The following LRRC4C variants were observed in gnomAD, a reference collection of about 807,000 sequenced individuals.
LRRC4C encodes leucine-rich repeat-containing protein 4C.
LRRC4C carries 5 observed loss-of-function variants against 33.6 expected under a neutral mutation model. That is an observed-to-expected ratio of 0.15 (90% CI 0.08 to 0.31). The LOEUF is 0.31. Ranked by LOEUF, LRRC4C falls within the 10% of genes least tolerant of loss-of-function variation. The pLI, the probability that LRRC4C is intolerant of heterozygous loss-of-function variation, is 1.00. For missense variants in LRRC4C, 560 were observed against 796.7 expected (o/e 0.70, Z 3.58); for synonymous variants, 329 against 302.0 (o/e 1.09, Z -0.93).
At chr11:41,328,794 C>T (rs563063844) in intron 1 of LRRC4C, among the ~76,000 whole-genome samples, 14 of 152,138 alleles carry the variant, frequency 9.2e-5, no homozygotes, top group South Asian at 4.1e-4. Flanking sequence ...TTCTGAGTAC[C>T]TCTCAGACTC....
intron 6 of LRRC4C, among the ~76,000 whole-genome samples, chr11:40,138,997 TC>T (rs1232703262): frequency 6.6e-6 from 1 of 152,214 alleles, no homozygotes; most frequent in East Asian, 1.9e-4. Context: ...GAAAAACATT[TC>T]CAGCTAATAA....
chr11:41,370,625 G>A (rs1952712237), intron 1 of LRRC4C, among the ~76,000 whole-genome samples: 1 of 152,140 alleles, frequency 6.6e-6, no homozygotes, highest in African/African-American at 2.4e-5. Context: ...AATTGGAACT[G>A]TAAGTCCAAT....
intron 2 of LRRC4C, among the ~76,000 whole-genome samples, chr11:40,862,492 T>C (rs2135857891): frequency 6.6e-6 from 1 of 152,342 alleles, no homozygotes; most frequent in Non-Finnish European, 1.5e-5. Flanking sequence ...TATGCTTCTG[T>C]GGTTTTTTAA....
intron 3 of LRRC4C, among the ~76,000 whole-genome samples, chr11:40,391,392 C>G (rs954902395): frequency 2.0e-5 from 3 of 152,180 alleles, no homozygotes; most frequent in Non-Finnish European, 4.4e-5. Context: ...ATCATAATCT[C>G]TGTAATAACA....
chr11:40,837,507 T>C (rs1404563323), intron 2 of LRRC4C, among the ~76,000 whole-genome samples: 2 of 151,738 alleles, frequency 1.3e-5, no homozygotes, highest in African/African-American at 4.8e-5. Context: ...TAAACCGGCA[T>C]ATTGTGAAGA....
chr11:40,509,368 A>C (rs2138701369), intron 3 of LRRC4C, among the ~76,000 whole-genome samples: 1 of 152,320 alleles, frequency 6.6e-6, no homozygotes. Flanking sequence ...TGGTAAGATC[A>C]TGGATACAGT....
At chr11:41,208,783 C>T (rs1041881712) in intron 1 of LRRC4C, among the ~76,000 whole-genome samples, 2 of 152,184 alleles carry the variant, frequency 1.3e-5, no homozygotes, top group African/African-American at 2.4e-5. Flanking sequence ...CTGTTTTCTC[C>T]TCAGCTTCAG....
chr11:41,215,785 T>G (rs1184232608), intron 1 of LRRC4C, among the ~76,000 whole-genome samples: 1 of 152,198 alleles, frequency 6.6e-6, no homozygotes, highest in Non-Finnish European at 1.5e-5. Context: ...TATTTCCACT[T>G]TGGGGCTATT....
intron 3 of LRRC4C, among the ~76,000 whole-genome samples, chr11:40,595,880 G>C (rs2135769381): frequency 6.6e-6 from 1 of 152,248 alleles, no homozygotes; most frequent in South Asian, 2.1e-4. Context: ...GAGTGGCTTG[G>C]AATTAGCTGG....
intron 1 of LRRC4C, among the ~76,000 whole-genome samples, chr11:41,262,501 G>A (rs1949015620): frequency 6.6e-6 from 1 of 151,612 alleles, no homozygotes; most frequent in Non-Finnish European, 1.5e-5. Flanking sequence ...CAAAATTGAG[G>A]GCTTCTCTTT....
At chr11:40,510,704 T>C (rs1488823628) in intron 3 of LRRC4C, among the ~76,000 whole-genome samples, 1 of 152,156 alleles carries the variant, frequency 6.6e-6, no homozygotes, top group Admixed American at 6.5e-5. Context: ...GTGCTTGAAA[T>C]CTGGTGACCT....
At chr11:40,458,824 A>C (rs1358706237) in intron 3 of LRRC4C, among the ~76,000 whole-genome samples, 1 of 152,208 alleles carries the variant, frequency 6.6e-6, no homozygotes, top group Admixed American at 6.5e-5. Flanking sequence ...ACTTGGCTTC[A>C]AAGAGTAATA....
intron 5 of LRRC4C, among the ~76,000 whole-genome samples, chr11:40,184,916 C>T (rs1013668547): frequency 6.6e-6 from 1 of 152,184 alleles, no homozygotes; most frequent in Non-Finnish European, 1.5e-5. Flanking sequence ...GCGCTTCCTG[C>T]TACAAATCCC....
chr11:40,517,230 CATA>C (rs1955597531), intron 3 of LRRC4C, among the ~76,000 whole-genome samples: 2 of 152,060 alleles, frequency 1.3e-5, no homozygotes, highest in South Asian at 4.1e-4. Flanking sequence ...TACGGAATAA[CATA>C]ATACTATAAT....
intron 1 of LRRC4C, among the ~76,000 whole-genome samples, chr11:41,103,287 T>C (rs1261164524): frequency 6.6e-5 from 10 of 151,924 alleles, no homozygotes; most frequent in African/African-American, 1.9e-4. Flanking sequence ...AATGTGGAAA[T>C]TGTTGTTCAG....
At chr11:41,028,434 C>T (rs1162304012) in intron 1 of LRRC4C, among the ~76,000 whole-genome samples, 1 of 151,656 alleles carries the variant, frequency 6.6e-6, no homozygotes, top group Non-Finnish European at 1.5e-5. Flanking sequence ...ATTTCCACTT[C>T]CAGCAGCTTC....
Position 40,446,888 on chromosome 11 carries a change from C to T in LRRC4C, c.-269-127167G>A, listed in dbSNP as rs1590763979. 4 of 152,194 alleles carry T rather than the reference C, an allele frequency of 2.6e-5. No individual in the cohort carries two copies. In the South Asian group the frequency reaches 8.3e-4, roughly 32 times the overall value. 9.4% of individuals were successfully genotyped at this position (152,194 alleles called of 1,614,324 possible). On this transcript the variant is annotated intron_variant, in intron 3 of 6. Coordinates refer to ENST00000528697, the MANE Select transcript of LRRC4C (RefSeq NM_001258419.2). ...CCTCCAACTGGTCCCTCCCTTGACA[C>T]ATGGGGATAATGAGATTATGGGGAT... is the stretch of plus-strand genomic sequence containing the variant.
intron 3 of LRRC4C, among the ~76,000 whole-genome samples, chr11:40,484,640 A>C (rs912358923): frequency 6.6e-6 from 1 of 152,142 alleles, no homozygotes; most frequent in African/African-American, 2.4e-5. Context: ...TTATCAAACT[A>C]TTTAAATGCT....
chr11:40,702,179 T>C (rs928288022), intron 2 of LRRC4C, among the ~76,000 whole-genome samples: 5 of 152,086 alleles, frequency 3.3e-5, no homozygotes, highest in East Asian at 1.9e-4. Flanking sequence ...AGTATATATA[T>C]ATAATTTGTA....
Sources: gnomAD v4.1 joint callset for allele counts (sites outside exome capture counted in the v4.1 genomes callset) on GRCh38, gnomAD v4.1.1 for gene constraint, MANE v1.5 for transcripts, NCBI Gene and HGNC (gene_info 2026-07-23, HGNC 2026-07-21) for gene names.